Variants in PSEN1 observed in about 807,000 individuals in gnomAD.
PSEN1 encodes presenilin-1.
Under a neutral mutation model 53.5 loss-of-function variants are expected in PSEN1, and 15 were observed. The observed-to-expected ratio is 0.28, with a 90% CI of 0.19 to 0.43. The LOEUF is 0.43. Ranked by LOEUF, PSEN1 falls within the 20% of genes least tolerant of loss-of-function variation. The pLI, the probability that PSEN1 is intolerant of heterozygous loss-of-function variation, is 1.00. For synonymous variants in PSEN1, 208 were observed against 209.8 expected, an observed-to-expected ratio of 0.99 and a Z score of 0.08; for missense variants, 387 against 571.2, an observed-to-expected ratio of 0.68 and a Z score of 3.29.
intron 9 of PSEN1, among the ~76,000 whole-genome samples, chr14:73,207,191 A>T (rs1233150136): frequency 6.6e-6 from 1 of 152,156 alleles, no homozygotes; most frequent in African/African-American, 2.4e-5. Flanking sequence ...TTAGGATAAG[A>T]GAGTGAAAGG....
chr14:73,165,748 TAAAAA>T (rs1255488298), intron 3 of PSEN1, among the ~76,000 whole-genome samples: 1 of 102,618 alleles, frequency 9.7e-6, no homozygotes, highest in African/African-American at 3.7e-5. Flanking sequence ...AACTCCGTCT[TAAAAA>T]AAAAAAAAAA....
At chr14:73,196,506 C>T (rs752675583) in intron 7 of PSEN1, among the ~76,000 whole-genome samples, 8 of 121,350 alleles carry the variant, frequency 6.6e-5, no homozygotes, top group South Asian at 2.6e-4. Flanking sequence ...TTTTGAGGCA[C>T]GGTCTTACTT....
chr14:73,219,747 A>G lies in PSEN1; in HGVS notation c.*458A>G, dbSNP rs1900073272. On this transcript the variant is annotated 3_prime_UTR_variant, in exon 12 of 12. Coordinates refer to ENST00000324501, the MANE Select transcript of PSEN1 (RefSeq NM_000021.4). ...CAACCCAATAATTCTGTATTAACTG[A>G]ATTCTGAACTTTTCAGGAGGTACTG... 5.3e-6 allele frequency: 1 copy of G among 187,102 alleles called. No homozygotes were observed. Among genetic ancestry groups the G allele is most frequent in the Admixed American group, 5.5e-5 (1 of 18,194 alleles). 11.6% of individuals were successfully genotyped at this position (187,102 alleles called of 1,614,324 possible).
At chr14:73,212,514 C>A (rs1032472501) in intron 10 of PSEN1, among the ~76,000 whole-genome samples, 1 of 152,052 alleles carries the variant, frequency 6.6e-6, no homozygotes, top group Non-Finnish European at 1.5e-5. Flanking sequence ...CCTTCATGGC[C>A]GTAATACATT....
intron 3 of PSEN1, 35 bp from the exon 4 acceptor site, chr14:73,170,752 TGCTGAGAATC>T (rs1897861191): frequency 1.9e-6 from 3 of 1,609,024 alleles, no homozygotes; most frequent in Admixed American, 1.7e-5. Flanking sequence ...ACCTTGATTC[TGCTGAGAATC>T]TGATTTACTG....
At chr14:73,213,325 A>C (rs1014128665) in intron 10 of PSEN1, among the ~76,000 whole-genome samples, 1 of 152,134 alleles carries the variant, frequency 6.6e-6, no homozygotes, top group Non-Finnish European at 1.5e-5. Flanking sequence ...CAGCAGCATA[A>C]TTCTTTCATG....
At chr14:73,202,238 G>A (rs1402101106) in intron 8 of PSEN1, among the ~76,000 whole-genome samples, 1 of 148,988 alleles carries the variant, frequency 6.7e-6, no homozygotes, top group Non-Finnish European at 1.5e-5. Flanking sequence ...TTTTAGTTGA[G>A]CCACAGGTTG....
chr14:73,153,170 A>G (rs1266967738), intron 3 of PSEN1, among the ~76,000 whole-genome samples: 3 of 152,242 alleles, frequency 2.0e-5, no homozygotes, highest in Non-Finnish European at 1.5e-5. Flanking sequence ...TTAGCCTTTG[A>G]CAGTGTTGTT....
At chr14:73,210,024 G>A (rs1262575592) in intron 9 of PSEN1, among the ~76,000 whole-genome samples, 1 of 152,204 alleles carries the variant, frequency 6.6e-6, no homozygotes, top group East Asian at 1.9e-4. Context: ...ACACTCCCCG[G>A]AAGGGAGGTG....
At chr14:73,145,973 G>A (rs1672490628) in intron 1 of PSEN1, 2 of 151,908 alleles carry the variant, frequency 1.3e-5, no homozygotes, top group African/African-American at 4.8e-5. Context: ...TGGACATGGT[G>A]GTGCACACCT....
chr14:73,181,683 CA>C (rs1176306215), intron 5 of PSEN1, among the ~76,000 whole-genome samples: 1 of 152,170 alleles, frequency 6.6e-6, no homozygotes, highest in African/African-American at 2.4e-5. Context: ...AGAATGTAAA[CA>C]GTACACTAGT....
rs60926424 is a variant in PSEN1 at position 73,176,666 on chromosome 14, A to G, written c.480+2959A>G. Among the ~76,000 whole-genome samples, 756 of 152,296 alleles carry G rather than the reference A, an allele frequency of 5.0e-3. 5 individuals are homozygous for G. The highest frequency in any genetic ancestry group is 0.017 in the African/African-American group (686 of 41,552). ...TTTTAAGCATGTAAAGGTTTTCCCA[A>G]TCTTGGGCAGTGACATGTACAGGAC... On this transcript the variant is annotated intron_variant, in intron 5 of 11. Transcript: ENST00000324501.
In PSEN1 at chr14:73,150,839, G is replaced by A. The variant is rs187950172; in HGVS notation, c.87+2733G>A. ...AATCCCAACACTTTGGGAGGCCGAG[G>A]AGGGCGGATCACGAGGTCAAGAGAC... is the stretch of plus-strand genomic sequence containing the variant. On this transcript the variant is annotated intron_variant, in intron 3 of 11. Transcript: ENST00000324501. 4.0e-5 allele frequency among the ~76,000 whole-genome samples: 6 copies of A among 150,984 alleles called. No homozygotes were observed. In the East Asian group the frequency reaches 1.2e-3, roughly 29 times the overall value.
intron 8 of PSEN1, among the ~76,000 whole-genome samples, chr14:73,201,332 C>T (rs1402919478): frequency 1.3e-5 from 2 of 152,120 alleles, no homozygotes; most frequent in Admixed American, 6.5e-5. Context: ...GTGATCCGCC[C>T]GCCTCGGCCT....
At chr14:73,159,284 G>T (rs1460990354) in intron 3 of PSEN1, among the ~76,000 whole-genome samples, 1 of 151,580 alleles carries the variant, frequency 6.6e-6, no homozygotes, top group Non-Finnish European at 1.5e-5. Flanking sequence ...TGAGCTCAAA[G>T]AATTCTTCTG....
intron 3 of PSEN1, among the ~76,000 whole-genome samples, chr14:73,156,384 A>G (rs1253630962): frequency 1.3e-5 from 2 of 150,968 alleles, no homozygotes; most frequent in African/African-American, 2.4e-5. Context: ...AATAAATAAT[A>G]TAAATAAAAA....
Position 73,192,650 on chromosome 14 carries a change from G to A in PSEN1, c.555G>A (p.Val185=), listed in dbSNP as rs368908264. 3 of 1,611,814 alleles carry A rather than the reference G, an allele frequency of 1.9e-6. No homozygotes were observed. The highest frequency in any genetic ancestry group is 1.6e-4 in the Middle Eastern group (1 of 6,084). The part of the protein sequence containing the change: ...FFFSFIYLGE[V]FKTYNVAVDY... ...CTGTGTAATTTTTTTTCAGGGAAGT[G>A]TTTAAAACCTATAACGTTGCTGTGG... The change falls in exon 7 of 12, where the codon GTG becomes GTA. Residue 185 remains valine, a synonymous_variant. Coordinates refer to ENST00000324501, the MANE Select transcript of PSEN1 (RefSeq NM_000021.4).
chr14:73,153,880 A>C (rs892528171), intron 3 of PSEN1, among the ~76,000 whole-genome samples: 2 of 151,696 alleles, frequency 1.3e-5, no homozygotes, highest in Non-Finnish European at 2.9e-5. Context: ...CACCTGGCTA[A>C]TTTTAGTATT....
chr14:73,198,767 T>C (rs1486553148), intron 8 of PSEN1, among the ~76,000 whole-genome samples: 1 of 152,064 alleles, frequency 6.6e-6, no homozygotes, highest in African/African-American at 2.4e-5. Context: ...AAAAAATGCT[T>C]TCCTGTGTTT....
Sources: allele counts gnomAD v4.1 joint callset (sites outside exome capture counted in the v4.1 genomes callset), GRCh38; gene constraint gnomAD v4.1.1; transcripts MANE v1.5; gene names NCBI Gene and HGNC (gene_info 2026-07-23, HGNC 2026-07-21).